RNF41: variants seen among roughly 807,000 people sequenced by gnomAD.
RNF41 encodes the protein ring finger protein 41.
Under a neutral mutation model 33.0 loss-of-function variants are expected in RNF41, and 4 were observed. The ratio of observed to expected loss-of-function variants is 0.12; its 90% CI spans 0.06 to 0.28. The LOEUF (loss-of-function observed/expected upper bound fraction) is 0.28, where lower values mean the gene tolerates loss of function less well. Among genes scored for constraint, RNF41 ranks in the 10% least tolerant of loss-of-function variants. The pLI is 1.00. For synonymous variants in RNF41, 164 were observed against 153.2 expected, an observed-to-expected ratio of 1.07 and a Z score of -0.52; for missense variants, 228 against 432.6, an observed-to-expected ratio of 0.53 and a Z score of 4.19.
intron 1 of RNF41, among the ~76,000 whole-genome samples, chr12:56,219,617 C>T (rs1362756021): frequency 1.3e-5 from 2 of 149,506 alleles, no homozygotes; most frequent in African/African-American, 2.5e-5. Flanking sequence ...TGAGCCACTG[C>T]GCCCGGCGTA....
intron 3 of RNF41, 132 bp downstream of exon 3, chr12:56,213,826 C>G: frequency 2.8e-6 from 2 of 708,334 alleles, no homozygotes; most frequent in South Asian, 3.2e-5. Flanking sequence ...CTCCTTTGAC[C>G]TAAATCTCTA....
intron 3 of RNF41, among the ~76,000 whole-genome samples, chr12:56,211,342 T>C (rs972422677): frequency 2.0e-5 from 3 of 151,398 alleles, no homozygotes; most frequent in Non-Finnish European, 4.4e-5. Context: ...TGTTTCAAAA[T>C]AAATAAATAA....
At chr12:56,217,935 T>C (rs1869028661) in intron 1 of RNF41, among the ~76,000 whole-genome samples, 1 of 151,978 alleles carries the variant, frequency 6.6e-6, no homozygotes, top group African/African-American at 2.4e-5. Flanking sequence ...CTTTAATGTT[T>C]CCAAAGTGCT....
intron 4 of RNF41, among the ~76,000 whole-genome samples, chr12:56,209,145 G>A (rs564933367): frequency 2.2e-3 from 337 of 152,286 alleles, no homozygotes; most frequent in Non-Finnish European, 3.3e-3. Context: ...GATTACAGGC[G>A]TGAGCCACCG....
rs1878732159 is a variant in RNF41, at chr12:56,204,195, A to G, written c.*2252T>C. On this transcript the variant is annotated 3_prime_UTR_variant, in exon 7 of 7. Coordinates refer to ENST00000345093, the MANE Select transcript of RNF41 (RefSeq NM_005785.4). ...TATATACATATCTTCTGTAGAAATT[A>G]TCCCAAAAACTCAGGACCACTCAGG... 1 of 152,180 alleles carries G rather than the reference A, an allele frequency of 6.6e-6. No individual in the cohort carries two copies. Among genetic ancestry groups the G allele is most frequent in the Non-Finnish European group, 1.5e-5 (1 of 68,038 alleles). 9.4% of individuals were successfully genotyped at this position (152,180 alleles called of 1,614,324 possible).
At chr12:56,212,480 GACTGTCACCAACTACGACTC>G (rs1868553075) in intron 3 of RNF41, among the ~76,000 whole-genome samples, 1 of 152,134 alleles carries the variant, frequency 6.6e-6, no homozygotes, top group African/African-American at 2.4e-5. Flanking sequence ...CTTCTGACTA[GACTGTCACCAACTACGACTC>G]ACCTTTCCAT....
rs993437742 is a variant in RNF41, at chr12:56,204,921, A to T, written c.*1526T>A. 1.3e-5 allele frequency: 2 copies of T among 152,398 alleles called. No homozygotes were observed. Among genetic ancestry groups the T allele is most frequent in the African/African-American group, 4.8e-5 (2 of 41,434 alleles). The allele number at this position is 152,398 out of a possible 1,614,324, so 9.4% of individuals were successfully genotyped here. ...TCTCCAACCACACTCCCACCTCCAT[A>T]TTAAAATAATCACACCTATTATCTC... On this transcript the variant is annotated 3_prime_UTR_variant, in exon 7 of 7. Coordinates refer to ENST00000345093, the MANE Select transcript of RNF41 (RefSeq NM_005785.4).
At chr12:56,207,552 T>TC in intron 6 of RNF41, 94 bp downstream of exon 6, 5 of 988,770 alleles carry the variant, frequency 5.1e-6, no homozygotes, top group Non-Finnish European at 6.5e-6. Flanking sequence ...AGCCCAGCTC[T>TC]CCAATGCCCT....
chr12:56,214,606 A>AC, intron 2 of RNF41, among the ~76,000 whole-genome samples: 2 of 152,122 alleles, frequency 1.3e-5, no homozygotes, highest in East Asian at 1.9e-4. Flanking sequence ...GGACAGGCAG[A>AC]TGAGCTGAGG....
rs2135813303 is a variant in RNF41 at position 56,216,527 on chromosome 12, T to C, written c.-122A>G. The C allele has an allele frequency of 6.6e-6, 1 of 152,372 alleles. No individual in the cohort carries two copies. The highest frequency in any genetic ancestry group is 3.4e-3 in the Middle Eastern group (1 of 294). 9.4% of individuals were successfully genotyped at this position (152,372 alleles called of 1,614,324 possible). A position where few individuals can be genotyped will look rare whatever the true frequency, so the allele number is the denominator to read the frequency against. ...AAGAGATTCTCCCAGTAACCCATCTTGTTGGCTATTCTCCGACTGAGTATT... is the reference window on the plus strand; with the variant it reads ...AAGAGATTCTCCCAGTAACCCATCTCGTTGGCTATTCTCCGACTGAGTATT... On this transcript the variant is annotated 5_prime_UTR_variant, in exon 2 of 7. Transcript: ENST00000345093.
intron 3 of RNF41, among the ~76,000 whole-genome samples, chr12:56,211,548 G>C (rs1868477291): frequency 6.6e-6 from 1 of 152,118 alleles, no homozygotes; most frequent in Non-Finnish European, 1.5e-5. Context: ...AGAGGAGGGT[G>C]AGGTCTTTTC....
At chr12:56,219,959 G>C (rs1454259565) in intron 1 of RNF41, among the ~76,000 whole-genome samples, 1 of 151,858 alleles carries the variant, frequency 6.6e-6, no homozygotes, top group Non-Finnish European at 1.5e-5. Context: ...AGAGGTTGCA[G>C]TGAGCAGAGA....
chr12:56,219,668 T>TAAAAACACACACACAC (rs375047200), intron 1 of RNF41, among the ~76,000 whole-genome samples: 1 of 150,452 alleles, frequency 6.6e-6, no homozygotes, highest in Admixed American at 6.6e-5. Flanking sequence ...TATATGTGTA[T>TAAAAACACACACACAC]ATACACGCGC....
At chr12:56,213,279 C>A (rs1868618362) in intron 3 of RNF41, 9 of 437,672 alleles carry the variant, frequency 2.1e-5, no homozygotes, top group Non-Finnish European at 3.5e-5. Flanking sequence ...CGGCTCACTG[C>A]AACCTCCTAC....
Position 56,208,303 on chromosome 12 carries a change from A to C in RNF41, c.363-5T>G. 4 of 1,614,062 alleles carry C rather than the reference A, an allele frequency of 2.5e-6. No homozygotes were observed. Among genetic ancestry groups the C allele is most frequent in the Non-Finnish European group, 3.4e-6 (4 of 1,180,008 alleles). ...TCATCTTTGGGCATCTCCAGGCTGC[A>C]GACCAGGGTGGGGAAAGAGCAGAAC... On this transcript the variant is annotated splice_region_variant and splice_polypyrimidine_tract_variant and intron_variant, in intron 4 of 6. Coordinates refer to ENST00000345093, the MANE Select transcript of RNF41 (RefSeq NM_005785.4).
chr12:56,208,604 G>GCC (rs1868324293), intron 4 of RNF41: 2 of 175,112 alleles, frequency 1.1e-5, no homozygotes, highest in Admixed American at 5.8e-5. Context: ...CGCTCTTGTT[G>GCC]CCCAAACTGG....
chr12:56,208,815 C>A lies in RNF41; in HGVS notation c.363-517G>T, dbSNP rs1232871593. ...TCCTGGCCTCACGTGATCTGCCCCC[C>A]TCGGCCTTCCAAAGTGTTGGGATTA... On this transcript the variant is annotated intron_variant, in intron 4 of 6. Transcript: ENST00000345093. 2.0e-5 allele frequency among the ~76,000 whole-genome samples: 3 copies of A among 151,424 alleles called. No individual in the cohort carries two copies. The East Asian group carries it at 5.8e-4, about 29-fold the overall frequency.
chr12:56,218,780 T>C (rs1869110425), intron 1 of RNF41, among the ~76,000 whole-genome samples: 1 of 151,672 alleles, frequency 6.6e-6, no homozygotes, highest in Non-Finnish European at 1.5e-5. Flanking sequence ...CTTGGCTCAC[T>C]GCAACCTCTG....
rs750890367 is a variant in RNF41 at position 56,210,310 on chromosome 12, C to T, written c.349G>A (p.Glu117Lys). The T allele has an allele frequency of 2.5e-6, 4 of 1,613,362 alleles. No individual in the cohort carries two copies. The highest frequency in any genetic ancestry group is 3.4e-6 in the Non-Finnish European group (4 of 1,179,348). The part of the protein sequence containing the change: ...EHNPKRPVTC[E>K]QGCGLEMPKD... Reference sequence around the variant, plus strand: ...AACAAATCTCACCCACAGCCCTGTTCACAGGTCACAGGCCGCTTCGGGTTG... The same window carrying T: ...AACAAATCTCACCCACAGCCCTGTTTACAGGTCACAGGCCGCTTCGGGTTG... Residue 117 changes from glutamate (E) to lysine (K), a missense_variant, in exon 4 of 7, where the codon GAA becomes AAA. Physicochemically the swap from Glu to Lys is moderately conservative, Grantham distance 56. Around this residue, in one of 2 missense-constraint regions of RNF41, gnomAD observed 199 missense variants for 334.6 expected, o/e 0.59. Transcript: ENST00000345093.
Sources: gnomAD v4.1 joint callset for allele counts (sites outside exome capture counted in the v4.1 genomes callset) on GRCh38, gnomAD v4.1.1 for gene constraint, gnomAD v4.1.1 regional missense constraint, MANE v1.5 for transcripts, NCBI Gene and HGNC (gene_info 2026-07-23, HGNC 2026-07-21) for gene names.